GPR132: variants seen among roughly 807,000 people sequenced by gnomAD.
GPR132 encodes probable G protein-coupled receptor 132.
A neutral mutation model predicts 1.9 loss-of-function variants in GPR132; 4 were observed. The ratio of observed to expected loss-of-function variants is 2.13; its 90% CI spans 1.05 to 4.87. GPR132 has a LOEUF of 4.87. GPR132 is among the 30% of genes most tolerant of loss of function. The pLI, the probability that GPR132 is intolerant of heterozygous loss-of-function variation, is 0.01. For synonymous variants in GPR132, 233 were observed against 234.2 expected (o/e 0.99, Z 0.05); for missense variants, 404 against 512.5 (o/e 0.79, Z 2.04).
rs141354850 is a variant in GPR132, at chr14:105,051,674, G to C, written c.463C>G (p.Arg155Gly). Residue 155 changes from arginine (R) to glycine (G), a missense_variant, in exon 4 of 4, where the codon CGC becomes GGC. Physicochemically the swap from Arg to Gly is moderately radical, Grantham distance 125. Transcript: ENST00000329797. The surrounding 1 kb of genome is among the most constrained non-coding windows in gnomAD (Gnocchi z 8.0). ...VYALESRGRR[R>G]RRTAILISAC... ...GAGATGAGGATGGCGGTCCTCCGGC[G>C]GCGGCGGCCCCGACTCTCCAGCGCG... 6.2e-7 allele frequency: 1 copy of C among 1,613,744 alleles called. No homozygotes were observed. Among genetic ancestry groups the C allele is most frequent in the South Asian group, 1.1e-5 (1 of 91,088 alleles).
At chr14:105,052,473 A>G (rs958905625) in intron 3 of GPR132, among the ~76,000 whole-genome samples, 2 of 151,948 alleles carry the variant, frequency 1.3e-5, no homozygotes, top group Non-Finnish European at 2.9e-5. Flanking sequence ...GATTACAGGC[A>G]CGTGCCACCA....
intron 1 of GPR132, among the ~76,000 whole-genome samples, chr14:105,062,497 C>T (rs1246441461): frequency 6.6e-6 from 1 of 151,488 alleles, no homozygotes; most frequent in Admixed American, 6.6e-5. Flanking sequence ...TTTTCTTTTG[C>T]CTTTTTTGCC....
chr14:105,050,988 G>A lies in GPR132; in HGVS notation c.*6C>T. On this transcript the variant is annotated 3_prime_UTR_variant, in exon 4 of 4. Coordinates refer to ENST00000329797, the MANE Select transcript of GPR132 (RefSeq NM_013345.4). The surrounding 1 kb of genome is among the most constrained non-coding windows in gnomAD (Gnocchi z 4.0). ...CAACCTGCCATCCCCCTGCCACACA[G>A]TGGGCTCAGCAGGACTCCTCAATCA... 1.2e-6 allele frequency: 2 copies of A among 1,604,938 alleles called. No individual in the cohort carries two copies. The highest frequency in any genetic ancestry group is 1.7e-6 in the Non-Finnish European group (2 of 1,172,400).
chr14:105,062,906 T>G (rs1476170143), intron 1 of GPR132, among the ~76,000 whole-genome samples: 1 of 151,748 alleles, frequency 6.6e-6, no homozygotes, highest in Non-Finnish European at 1.5e-5. Flanking sequence ...CTCTCTCTCT[T>G]GCTTTATTTG....
In GPR132 at chr14:105,055,428, CT is replaced by C; in HGVS notation, c.-9del. Reference sequence around the variant, plus strand: ...CAGTAGCATTGGGCACATTCACATTCTTCTGCAACCATCGCCAGCATCCGTC... The same window carrying C: ...CAGTAGCATTGGGCACATTCACATTCTCTGCAACCATCGCCAGCATCCGTC... On this transcript the variant is annotated 5_prime_UTR_variant, in exon 3 of 4. Coordinates refer to ENST00000329797, the MANE Select transcript of GPR132 (RefSeq NM_013345.4). The surrounding 1 kb of genome is among the most constrained non-coding windows in gnomAD (Gnocchi z 4.7). 1 of 780,748 alleles carries C rather than the reference CT, an allele frequency of 1.3e-6. No individual in the cohort carries two copies. The allele number at this position is 780,748 out of a possible 1,614,324, so 48.4% of individuals were successfully genotyped here.
At position 105,059,986 on chromosome 14, in the gene GPR132, C is replaced by G. The variant is rs909787933; in HGVS notation, c.-860-2706G>C. Among the ~76,000 whole-genome samples the G allele has an allele frequency of 6.6e-6, 1 of 152,242 alleles. No homozygotes were observed. The highest frequency in any genetic ancestry group is 2.4e-5 in the African/African-American group (1 of 41,468). On this transcript the variant is annotated intron_variant, in intron 1 of 3. Coordinates refer to ENST00000329797, the MANE Select transcript of GPR132 (RefSeq NM_013345.4). This position sits in a 1 kb window ranked among gnomAD's most constrained non-coding sequence, Gnocchi z 4.2. ...AAAGCCATCTCCAAAGTGATGCCCCCTTGGCGGTGGGTGGTGTGGGCCGGA... is the reference window on the plus strand; with the variant it reads ...AAAGCCATCTCCAAAGTGATGCCCCGTTGGCGGTGGGTGGTGTGGGCCGGA...
intron 1 of GPR132, among the ~76,000 whole-genome samples, chr14:105,062,405 C>G (rs1886966757): frequency 6.6e-6 from 1 of 152,246 alleles, no homozygotes; most frequent in South Asian, 2.1e-4. Flanking sequence ...CCGCCTTTCT[C>G]CCACTCAGCG....
At position 105,051,190 on chromosome 14, in the gene GPR132, C is replaced by T. The variant is rs199906880; in HGVS notation, c.947G>A (p.Arg316His). Residue 316 changes from arginine to histidine, a missense_variant, in exon 4 of 4, where the codon CGC becomes CAC. Transcript: ENST00000329797. The surrounding 1 kb of genome is among the most constrained non-coding windows in gnomAD (Gnocchi z 8.0). ...CTTATGGATTCTGGACACTTCTTGG[C>T]GGGAATGGTCCGTGGCCAGCACGTA... The part of the protein sequence containing the change: ...IIYVLATDHS[R>H]QEVSRIHKGW... 86 of 1,613,998 alleles carry T rather than the reference C, an allele frequency of 5.3e-5. No individual in the cohort carries two copies. The highest frequency in any genetic ancestry group is 5.3e-5 in the African/African-American group (4 of 74,908).
At position 105,060,179 on chromosome 14, in the gene GPR132, G is replaced by A. The variant is rs1258263272; in HGVS notation, c.-860-2899C>T. ...TGTGCTGGGCGCTGCCCTCCCAGCT[G>A]CTGCTCTGCCAAGATCCGTGTGGCC... On this transcript the variant is annotated intron_variant, in intron 1 of 3. Transcript: ENST00000329797. This position sits in a 1 kb window ranked among gnomAD's most constrained non-coding sequence, Gnocchi z 6.3. 2.0e-5 allele frequency among the ~76,000 whole-genome samples: 3 copies of A among 152,228 alleles called. No homozygotes were observed. Among genetic ancestry groups the A allele is most frequent in the African/African-American group, 4.8e-5 (2 of 41,460 alleles).
Position 105,055,023 on chromosome 14 carries a change from CAA to C in GPR132, c.34+362_34+363del, listed in dbSNP as rs35863392. ...AGGGCAACAGAGCAAGACTCCATCT[CAA>C]AAAAAAAAAAAAAAAAAAAATTCGG... On this transcript the variant is annotated intron_variant, in intron 3 of 3. Coordinates refer to ENST00000329797, the MANE Select transcript of GPR132 (RefSeq NM_013345.4). This position sits in a 1 kb window ranked among gnomAD's most constrained non-coding sequence, Gnocchi z 4.7. 0.08 allele frequency among the ~76,000 whole-genome samples: 7,293 copies of C among 91,318 alleles called. 253 individuals carry two copies. Among genetic ancestry groups the C allele is most frequent in the Admixed American group, 0.16 (1,507 of 9,358 alleles). The allele number at this position is 91,318 out of a possible 152,430, so 59.9% of individuals were successfully genotyped here. A position where few individuals can be genotyped will look rare whatever the true frequency, so the allele number is the denominator to read the frequency against.
chr14:105,053,584 C>T (rs1011670929), intron 3 of GPR132, among the ~76,000 whole-genome samples: 10 of 152,056 alleles, frequency 6.6e-5, no homozygotes, highest in Admixed American at 2.0e-4. Context: ...GCTTGCTTTA[C>T]GTATTTGAAG....
At position 105,057,210 on chromosome 14, in the gene GPR132, A is replaced by C; in HGVS notation, c.-790T>G. ...TCCAATCTCAGTGTGGCTCTAAGATAAGCTTTCTAAGTACATGTCATGCGT... is the reference window on the plus strand; with the variant it reads ...TCCAATCTCAGTGTGGCTCTAAGATCAGCTTTCTAAGTACATGTCATGCGT... On this transcript the variant is annotated 5_prime_UTR_variant, in exon 2 of 4. The change creates a premature stop within an existing upstream ORF in the 5' untranslated region. Coordinates refer to ENST00000329797, the MANE Select transcript of GPR132 (RefSeq NM_013345.4). 1 of 1,491,866 alleles carries C rather than the reference A, an allele frequency of 6.7e-7. No homozygotes were observed. The highest frequency in any genetic ancestry group is 9.0e-7 in the Non-Finnish European group (1 of 1,106,614). The allele number at this position is 1,491,866 out of a possible 1,614,324, so 92.4% of individuals were successfully genotyped here.
chr14:105,060,164 G>C lies in GPR132; in HGVS notation c.-860-2884C>G, dbSNP rs1243850724. ...TCCCTCGGGTGCCTGTGTGCTGGGC[G>C]CTGCCCTCCCAGCTGCTGCTCTGCC... On this transcript the variant is annotated intron_variant, in intron 1 of 3. Transcript: ENST00000329797. This position sits in a 1 kb window ranked among gnomAD's most constrained non-coding sequence, Gnocchi z 6.3. 4.6e-5 allele frequency among the ~76,000 whole-genome samples: 7 copies of C among 152,222 alleles called. No homozygotes were observed. Among genetic ancestry groups the C allele is most frequent in the East Asian group, 1.9e-4 (1 of 5,182 alleles).
In GPR132 at chr14:105,059,873, A is replaced by C. The variant is rs779389915; in HGVS notation, c.-860-2593T>G. Among the ~76,000 whole-genome samples, 1 of 152,266 alleles carries C rather than the reference A, an allele frequency of 6.6e-6. No individual in the cohort carries two copies. Among genetic ancestry groups the C allele is most frequent in the Non-Finnish European group, 1.5e-5 (1 of 68,042 alleles). On this transcript the variant is annotated intron_variant, in intron 1 of 3. Transcript: ENST00000329797. This position sits in a 1 kb window ranked among gnomAD's most constrained non-coding sequence, Gnocchi z 4.2. ...AGCCACAATGTTCTCCTGAGATTACAGGAAGCTTGTTAACTTATGGAGAAT... is the reference window on the plus strand; with the variant it reads ...AGCCACAATGTTCTCCTGAGATTACCGGAAGCTTGTTAACTTATGGAGAAT...
chr14:105,055,304 G>A lies in GPR132; in HGVS notation c.34+83C>T. 3 of 777,908 alleles carry A rather than the reference G, an allele frequency of 3.9e-6. 1 individual carries two copies. The highest frequency in any genetic ancestry group is 2.7e-5 in the South Asian group (2 of 74,522). The allele number at this position is 777,908 out of a possible 1,614,324, so 48.2% of individuals were successfully genotyped here. ...ATTGTGCCACTGCACTCCAGCCTGG[G>A]CGATAGAGTGAGACTCAATCGCAAG... On this transcript the variant is annotated intron_variant, in intron 3 of 3. Transcript: ENST00000329797. The surrounding 1 kb of genome is among the most constrained non-coding windows in gnomAD (Gnocchi z 4.7).
In GPR132 at chr14:105,049,515, G is replaced by C. The variant is rs953329493; in HGVS notation, c.*1479C>G. ...TGACCTCAACTGATCCTCCCGTCTCGGCCTCCCAAAGTGCTGGGATGACAG... is the reference window on the plus strand; with the variant it reads ...TGACCTCAACTGATCCTCCCGTCTCCGCCTCCCAAAGTGCTGGGATGACAG... On this transcript the variant is annotated 3_prime_UTR_variant, in exon 4 of 4. Coordinates refer to ENST00000329797, the MANE Select transcript of GPR132 (RefSeq NM_013345.4). The C allele has an allele frequency of 2.6e-5, 4 of 151,968 alleles. No homozygotes were observed. The highest frequency in any genetic ancestry group is 2.6e-4 in the Admixed American group (4 of 15,246). 9.4% of individuals were successfully genotyped at this position (151,968 alleles called of 1,614,324 possible). A position where few individuals can be genotyped will look rare whatever the true frequency, so the allele number is the denominator to read the frequency against.
Position 105,060,010 on chromosome 14 carries a change from G to A in GPR132, c.-860-2730C>T, listed in dbSNP as rs538056608. On this transcript the variant is annotated intron_variant, in intron 1 of 3. Coordinates refer to ENST00000329797, the MANE Select transcript of GPR132 (RefSeq NM_013345.4). The surrounding 1 kb of genome is among the most constrained non-coding windows in gnomAD (Gnocchi z 6.3). The stretch of plus-strand genomic sequence containing the variant: ...CCTTGGCGGTGGGTGGTGTGGGCCG[G>A]AGGGGTTCCTGGGCTACCCATTCTG... Among the ~76,000 whole-genome samples the A allele has an allele frequency of 1.3e-5, 2 of 152,376 alleles. No homozygotes were observed. Among genetic ancestry groups the A allele is most frequent in the South Asian group, 2.1e-4 (1 of 4,830 alleles).
intron 3 of GPR132, 111 bp from the exon 4 acceptor site, chr14:105,052,213 G>A (rs913514571): frequency 9.7e-6 from 8 of 824,664 alleles, no homozygotes; most frequent in East Asian, 7.6e-5. Context: ...CTAGACACAC[G>A]CAGGTGTTTA....
At chr14:105,054,160 C>T in intron 3 of GPR132, 2 of 1,272,834 alleles carry the variant, frequency 1.6e-6, no homozygotes, top group Non-Finnish European at 1.0e-6. Flanking sequence ...GACCTGGCCT[C>T]AGCACCTGAC....
Sources: gnomAD v4.1 joint callset for allele counts (sites outside exome capture counted in the v4.1 genomes callset) on GRCh38, gnomAD v4.1.1 for gene constraint, Gnocchi (gnomAD v3.1) non-coding constraint, MANE v1.5 for transcripts, NCBI Gene and HGNC (gene_info 2026-07-23, HGNC 2026-07-21) for gene names.